A1CF: variants seen among roughly 807,000 people sequenced by gnomAD.
A1CF encodes the protein APOBEC1 complementation factor.
Under a neutral mutation model 68.9 loss-of-function variants are expected in A1CF, and 48 were observed. That is an observed-to-expected ratio of 0.70 (90% CI 0.55 to 0.89). The LOEUF is 0.89. Among genes scored for constraint, A1CF ranks in the 40% least tolerant of loss-of-function variants. The probability of loss-of-function intolerance (pLI) is 0.00; values close to 1 mark genes in which losing one functional copy is unlikely to be tolerated. For missense variants in A1CF, 653 were observed against 718.9 expected, an observed-to-expected ratio of 0.91 and a Z score of 1.05; for synonymous variants, 272 against 260.4, an observed-to-expected ratio of 1.04 and a Z score of -0.43.
Position 50,813,998 on chromosome 10 carries a change from C to G in A1CF, c.1182G>C (p.Leu394Phe). The change falls in exon 10 of 13, where the codon TTG becomes TTC. Residue 394 changes from leucine to phenylalanine, a missense_variant. Transcript: ENST00000373997. ...GVRGLGGRGY[L>F]AYTGLGRGYQ... ...ATCCTCGACCCAGGCCTGTGTATGC[C>G]AAATAGCCACGGCCGCCCAGTCCTC... The G allele has an allele frequency of 6.2e-7, 1 of 1,613,740 alleles. No homozygotes were observed. The highest frequency in any genetic ancestry group is 8.5e-7 in the Non-Finnish European group (1 of 1,179,830).
Position 50,844,058 on chromosome 10 carries a change from C to G in A1CF, c.164G>C (p.Gly55Ala). 1.2e-6 allele frequency: 2 copies of G among 1,613,876 alleles called. No individual in the cohort carries two copies. Among genetic ancestry groups the G allele is most frequent in the Non-Finnish European group, 1.7e-6 (2 of 1,179,874 alleles). The change falls in exon 4 of 13, where the codon GGC (glycine) becomes GCC (alanine). Residue 55 changes from glycine (G) to alanine (A), a missense_variant. Transcript: ENST00000373997. ...PGWDAAPPER[G>A]CEIFIGKLPR... Reference sequence around the variant, plus strand: ...AAGTTTTCCAATAAAAATTTCACAGCCCCTTTCAGGGGGTGCAGCATCCCA... The same window carrying G: ...AAGTTTTCCAATAAAAATTTCACAGGCCCTTTCAGGGGGTGCAGCATCCCA...
chr10:50,844,274 A>G, intron 3 of A1CF, 152 bp from the exon 4 acceptor site: 1 of 1,149,244 alleles, frequency 8.7e-7, no homozygotes, highest in Admixed American at 3.0e-5. Context: ...GAAAAATTAA[A>G]GCTTTTTATG....
intron 12 of A1CF, 66 bp downstream of exon 12, chr10:50,809,828 G>A (rs1250511132): frequency 8.2e-6 from 13 of 1,591,892 alleles, no homozygotes; most frequent in East Asian, 2.2e-5. Context: ...GTGATTCAAT[G>A]GTACCAAAAA....
chr10:50,835,649 A>C (rs1278605495), intron 6 of A1CF, among the ~76,000 whole-genome samples: 1 of 152,280 alleles, frequency 6.6e-6, no homozygotes, highest in South Asian at 2.1e-4. Flanking sequence ...AGGGAGTCAT[A>C]ATGAAAGTAT....
chr10:50,860,027 C>G (rs1051166886), intron 2 of A1CF, 42 bp from the exon 3 acceptor site: 1 of 1,003,716 alleles, frequency 1.0e-6, no homozygotes, highest in Non-Finnish European at 1.5e-6. Context: ...TTACTGTTGT[C>G]AAGTCCAAAC....
At chr10:50,823,672 T>C (rs770115703) in intron 7 of A1CF, 2 of 152,144 alleles carry the variant, frequency 1.3e-5, no homozygotes, top group Non-Finnish European at 2.9e-5. Context: ...TGCTAAACTC[T>C]TGTAGGAAGA....
At chr10:50,865,059 A>G (rs992882672) in intron 1 of A1CF, among the ~76,000 whole-genome samples, 4 of 152,150 alleles carry the variant, frequency 2.6e-5, no homozygotes, top group African/African-American at 9.7e-5. Context: ...TGGGAGGCCC[A>G]GGAGTTCCAG....
chr10:50,853,061 AC>A (rs1365381719), intron 3 of A1CF, among the ~76,000 whole-genome samples: 1 of 152,128 alleles, frequency 6.6e-6, no homozygotes, highest in Admixed American at 6.6e-5. Flanking sequence ...GAAATTCCAT[AC>A]AAGAGAGAAT....
At chr10:50,884,411 C>T (rs114999523) in intron 1 of A1CF, among the ~76,000 whole-genome samples, 361 of 152,168 alleles carry the variant, frequency 2.4e-3, no homozygotes, top group African/African-American at 8.4e-3. Context: ...AAGTATGAAC[C>T]TTATAAGTCA....
intron 6 of A1CF, among the ~76,000 whole-genome samples, chr10:50,832,963 A>T (rs1839320579): frequency 2.6e-5 from 4 of 152,120 alleles, no homozygotes; most frequent in African/African-American, 9.7e-5. Context: ...AGCAGTTCCC[A>T]GGTATTCCTA....
At chr10:50,833,920 A>T (rs1223125511) in intron 6 of A1CF, among the ~76,000 whole-genome samples, 2 of 152,112 alleles carry the variant, frequency 1.3e-5, no homozygotes, top group African/African-American at 4.8e-5. Context: ...GTTGCATTGG[A>T]TCATAGTGAA....
chr10:50,820,483 GC>G (rs1754894126), intron 8 of A1CF, 68 bp downstream of exon 8: 2 of 1,371,812 alleles, frequency 1.5e-6, no homozygotes, highest in Admixed American at 1.8e-5. Flanking sequence ...GCAGGACTGT[GC>G]TTTTGGATGT....
In A1CF at chr10:50,816,251, G is replaced by T; in HGVS notation, c.896C>A (p.Thr299Asn). ...GTCCTTGTCCACTGGTTTTGCTAGG[G>T]TGACTTCAATGGGGGAACCATCCAG... ...KVLDGSPIEV[T>N]LAKPVDKDSY... The change falls in exon 9 of 13, where the codon ACC becomes AAC. Residue 299 changes from threonine (T) to asparagine (N), a missense_variant. Coordinates refer to ENST00000373997, the MANE Select transcript of A1CF (RefSeq NM_014576.4). 1 of 1,613,440 alleles carries T rather than the reference G, an allele frequency of 6.2e-7. No homozygotes were observed. The highest frequency in any genetic ancestry group is 8.5e-7 in the Non-Finnish European group (1 of 1,179,670).
At chr10:50,823,035 A>T (rs181768172) in intron 7 of A1CF, 2 of 152,234 alleles carry the variant, frequency 1.3e-5, no homozygotes, top group East Asian at 3.9e-4. Flanking sequence ...TCACATCCCA[A>T]CTTCTGTCAT....
At chr10:50,877,746 G>A (rs1387403397) in intron 1 of A1CF, among the ~76,000 whole-genome samples, 1 of 152,176 alleles carries the variant, frequency 6.6e-6, no homozygotes, top group Non-Finnish European at 1.5e-5. Context: ...TACTTCCTCT[G>A]ATAATTACCC....
intron 8 of A1CF, 118 bp downstream of exon 8, chr10:50,820,434 A>G: frequency 1.4e-6 from 1 of 738,544 alleles, no homozygotes; most frequent in South Asian, 2.0e-5. Context: ...AAATGGACTG[A>G]GGCAGCCATG....
intron 6 of A1CF, among the ~76,000 whole-genome samples, chr10:50,829,543 A>G (rs1839139067): frequency 6.6e-6 from 1 of 152,194 alleles, no homozygotes; most frequent in African/African-American, 2.4e-5. Context: ...TGGCCCTGGC[A>G]TTCTAAAACC....
intron 5 of A1CF, among the ~76,000 whole-genome samples, chr10:50,838,961 C>G (rs1244703510): frequency 6.6e-6 from 1 of 152,064 alleles, no homozygotes; most frequent in Non-Finnish European, 1.5e-5. Context: ...TTTTCTTTTC[C>G]CTTCTCCTCC....
At chr10:50,835,874 A>G (rs1220407490) in intron 6 of A1CF, among the ~76,000 whole-genome samples, 200 bp downstream of exon 6, 3 of 152,232 alleles carry the variant, frequency 2.0e-5, no homozygotes, top group African/African-American at 7.2e-5. Context: ...ATTAGCCTCA[A>G]TGCACAGAAT....
Sources: allele counts gnomAD v4.1 joint callset (sites outside exome capture counted in the v4.1 genomes callset), GRCh38; gene constraint gnomAD v4.1.1; transcripts MANE v1.5; gene names NCBI Gene and HGNC (gene_info 2026-07-23, HGNC 2026-07-21).